PHF20: variants seen among roughly 807,000 people sequenced by gnomAD.
PHF20 encodes glioma-expressed antigen 2.
In PHF20, 23 loss-of-function variants were observed where a neutral mutation model predicts 113.5. That is an observed-to-expected ratio of 0.20 (90% CI 0.15 to 0.29). The LOEUF (loss-of-function observed/expected upper bound fraction) is 0.29, where lower values mean the gene tolerates loss of function less well. Among genes scored for constraint, PHF20 ranks in the 10% least tolerant of loss-of-function variants. PHF20 has a pLI of 1.00. For missense variants in PHF20, 943 were observed against 1,219.6 expected (o/e 0.77, Z 3.38); for synonymous variants, 434 against 457.3 (o/e 0.95, Z 0.65).
At chr20:35,924,281 A>G (rs571573733) in intron 13 of PHF20, among the ~76,000 whole-genome samples, 2 of 130,714 alleles carry the variant, frequency 1.5e-5, no homozygotes, top group East Asian at 4.4e-4. Context: ...TACAACCTCC[A>G]CCTCCCAGGT....
At chr20:35,844,507 C>T (rs1428966851) in intron 3 of PHF20, among the ~76,000 whole-genome samples, 3 of 132,610 alleles carry the variant, frequency 2.3e-5, no homozygotes, top group Non-Finnish European at 4.7e-5. Context: ...TTATAAAATT[C>T]CCACCCTGAG....
At chr20:35,787,707 G>A (rs1035256384) in intron 1 of PHF20, among the ~76,000 whole-genome samples, 6 of 149,996 alleles carry the variant, frequency 4.0e-5, no homozygotes, top group Middle Eastern at 6.8e-3. Flanking sequence ...GGCTGGTCTC[G>A]CTCTGTGCCC....
At chr20:35,828,148 C>A (rs757816461) in intron 2 of PHF20, among the ~76,000 whole-genome samples, 1 of 152,024 alleles carries the variant, frequency 6.6e-6, no homozygotes, top group East Asian at 1.9e-4. Flanking sequence ...CTCAGCCTCC[C>A]GAGTAGCTGG....
At chr20:35,925,451 T>C (rs1231048523) in intron 13 of PHF20, among the ~76,000 whole-genome samples, 2 of 151,868 alleles carry the variant, frequency 1.3e-5, no homozygotes, top group East Asian at 3.9e-4. Context: ...TTAGTGGAGA[T>C]GGGGTTTCAA....
chr20:35,831,096 T>C (rs1184092398), intron 2 of PHF20, among the ~76,000 whole-genome samples: 1 of 152,112 alleles, frequency 6.6e-6, no homozygotes, highest in Non-Finnish European at 1.5e-5. Flanking sequence ...TAGTTACAAA[T>C]ATACACACTA....
intron 9 of PHF20, among the ~76,000 whole-genome samples, chr20:35,884,743 C>T (rs2054695659): frequency 6.6e-6 from 1 of 152,134 alleles, no homozygotes; most frequent in Non-Finnish European, 1.5e-5. Context: ...AAAAAGATTT[C>T]CCTTATACCT....
intron 2 of PHF20, among the ~76,000 whole-genome samples, chr20:35,814,400 A>T (rs1361121997): frequency 6.6e-6 from 1 of 151,446 alleles, no homozygotes; most frequent in Non-Finnish European, 1.5e-5. Flanking sequence ...TATTTTTAGT[A>T]GAGATGGGGT....
chr20:35,896,442 G>A (rs184876516), intron 9 of PHF20, among the ~76,000 whole-genome samples: 1 of 152,188 alleles, frequency 6.6e-6, no homozygotes, highest in African/African-American at 2.4e-5. Context: ...GCATAGGAAT[G>A]ACTTAATGTG....
chr20:35,905,953 G>A (rs2055193665), intron 10 of PHF20, among the ~76,000 whole-genome samples: 1 of 152,230 alleles, frequency 6.6e-6, no homozygotes, highest in Middle Eastern at 3.2e-3. Flanking sequence ...AGGTTTCTCA[G>A]TATACCAGAG....
chr20:35,784,578 A>G lies in PHF20; in HGVS notation c.-33+12499A>G, dbSNP rs1169435811. On this transcript the variant is annotated intron_variant, in intron 1 of 17. Coordinates refer to ENST00000374012, the MANE Select transcript of PHF20 (RefSeq NM_016436.5). ...CAGCCTGCCAAGTAGCTGGGAATACAGGCGTGTGCCACTATGCCCAGCTAA... is the reference window on the plus strand; with the variant it reads ...CAGCCTGCCAAGTAGCTGGGAATACGGGCGTGTGCCACTATGCCCAGCTAA... Among the ~76,000 whole-genome samples the G allele has an allele frequency of 3.3e-5, 5 of 151,864 alleles. No individual in the cohort carries two copies. In the East Asian group the frequency reaches 9.8e-4, roughly 30 times the overall value.
At chr20:35,809,346 A>T (rs1736808339) in intron 2 of PHF20, among the ~76,000 whole-genome samples, 2 of 152,136 alleles carry the variant, frequency 1.3e-5, no homozygotes, top group Non-Finnish European at 2.9e-5. Flanking sequence ...TGGGAGGCCA[A>T]GCCTGGTGGA....
intron 10 of PHF20, among the ~76,000 whole-genome samples, chr20:35,907,836 T>A (rs970348070): frequency 1.3e-5 from 2 of 152,200 alleles, no homozygotes; most frequent in African/African-American, 4.8e-5. Flanking sequence ...TTAAGTCCAG[T>A]ATTTCTTTGT....
rs139302106 is a variant in PHF20 at position 35,886,224 on chromosome 20, C to T, written c.1283-13146C>T. 2.2e-3 allele frequency among the ~76,000 whole-genome samples: 331 copies of T among 151,614 alleles called. 1 individual carries two copies. Among genetic ancestry groups the T allele is most frequent in the African/African-American group, 7.2e-3 (299 of 41,252 alleles). On this transcript the variant is annotated intron_variant, in intron 9 of 17. Transcript: ENST00000374012. ...TGAGATCTCAGCTCACTGCAACCTCCGCCTCCTGGGTTCAAGTGATTCTCC... is the reference window on the plus strand; with the variant it reads ...TGAGATCTCAGCTCACTGCAACCTCTGCCTCCTGGGTTCAAGTGATTCTCC...
intron 2 of PHF20, among the ~76,000 whole-genome samples, chr20:35,827,784 G>GA (rs568505287): frequency 0.094 from 6,660 of 70,750 alleles, 245 homozygotes; most frequent in African/African-American, 0.17. Context: ...CTCCATCTCA[G>GA]AAAAAAAAAA....
chr20:35,894,028 G>A (rs183098799), intron 9 of PHF20, among the ~76,000 whole-genome samples: 1 of 152,276 alleles, frequency 6.6e-6, no homozygotes, highest in East Asian at 1.9e-4. Context: ...AAATCTTTAG[G>A]TGTCATAGTA....
intron 1 of PHF20, among the ~76,000 whole-genome samples, chr20:35,779,840 C>G (rs576867516): frequency 6.6e-6 from 1 of 152,138 alleles, no homozygotes; most frequent in African/African-American, 2.4e-5. Flanking sequence ...CTTGCTTCTA[C>G]AGGTGCACAG....
intron 2 of PHF20, among the ~76,000 whole-genome samples, chr20:35,805,504 TC>T (rs2041865125): frequency 6.6e-6 from 1 of 151,666 alleles, no homozygotes; most frequent in East Asian, 1.9e-4. Context: ...TGCCTTAGCT[TC>T]CCGGCTAATT....
chr20:35,891,856 T>A (rs1434517984), intron 9 of PHF20, among the ~76,000 whole-genome samples: 4 of 151,950 alleles, frequency 2.6e-5, no homozygotes. Context: ...TTCTATTTTT[T>A]ATATATTATT....
chr20:35,860,005 C>A (rs2054189312), intron 5 of PHF20, among the ~76,000 whole-genome samples: 1 of 152,164 alleles, frequency 6.6e-6, no homozygotes, highest in South Asian at 2.1e-4. Flanking sequence ...AGTGCAAACT[C>A]CGCCTCCCAA....
Sources: gnomAD v4.1 joint callset for allele counts (sites outside exome capture counted in the v4.1 genomes callset) on GRCh38, gnomAD v4.1.1 for gene constraint, MANE v1.5 for transcripts, NCBI Gene and HGNC (gene_info 2026-07-23, HGNC 2026-07-21) for gene names.